The following HRNR variants were observed in gnomAD, a reference collection of about 807,000 sequenced individuals.
The protein encoded by HRNR is filaggrin family member 3.
A neutral mutation model predicts 4.8 loss-of-function variants in HRNR; 7 were observed. The observed-to-expected ratio is 1.47, with a 90% confidence interval of 0.83 to 2.75. HRNR has a LOEUF of 2.75. HRNR is among the 30% of genes most tolerant of loss of function. HRNR has a pLI of 0.00. For synonymous variants in HRNR, 1,023 were observed against 1,242.7 expected (o/e 0.82, Z 3.72); for missense variants, 2,879 against 3,010.4 (o/e 0.96, Z 1.02).
Position 152,220,805 on chromosome 1 carries a change from G to A in HRNR, c.824C>T (p.Ser275Phe). ...GQSSRGERHR[S>F]SSGSSSSYGQ... ...ATAGCTGGAAGACGAACCTGAGCTAGATCTGTGTCGTTCACCCCTAGATGA... is the reference window on the plus strand; with the variant it reads ...ATAGCTGGAAGACGAACCTGAGCTAAATCTGTGTCGTTCACCCCTAGATGA... Residue 275 changes from serine (S) to phenylalanine (F), a missense_variant, in exon 3 of 3, where the codon TCT (serine) becomes TTT (phenylalanine). By Grantham distance (155) the Ser-to-Phe change is radical (BLOSUM62 -2). Transcript: ENST00000368801. 6.2e-7 allele frequency: 1 copy of A among 1,613,974 alleles called. No individual in the cohort carries two copies. Among genetic ancestry groups the A allele is most frequent in the Non-Finnish European group, 8.5e-7 (1 of 1,179,982 alleles).
In HRNR at chr1:152,212,378, A is replaced by T. The variant is rs1391921566; in HGVS notation, c.*698T>A. 6.6e-6 allele frequency: 1 copy of T among 152,004 alleles called. No homozygotes were observed. The highest frequency in any genetic ancestry group is 1.5e-5 in the Non-Finnish European group (1 of 68,036). 9.4% of individuals were successfully genotyped at this position (152,004 alleles called of 1,614,324 possible). ...AAAACAAGCTAAAGCCCACATTTGAATGTTTTTTTTTTTCCTGAAATGATA... is the reference window on the plus strand; with the variant it reads ...AAAACAAGCTAAAGCCCACATTTGATTGTTTTTTTTTTTCCTGAAATGATA... On this transcript the variant is annotated 3_prime_UTR_variant, in exon 3 of 3. Transcript: ENST00000368801.
chr1:152,213,166 C>A lies in HRNR; in HGVS notation c.8463G>T (p.Gly2821=). The A allele has an allele frequency of 2.5e-6, 4 of 1,614,050 alleles. No individual in the cohort carries two copies. The highest frequency in any genetic ancestry group is 3.4e-6 in the Non-Finnish European group (4 of 1,180,040). The change falls in exon 3 of 3, where the codon GGG becomes GGT. Residue 2821 remains glycine (G), a synonymous_variant. Coordinates refer to ENST00000368801, the MANE Select transcript of HRNR (RefSeq NM_001009931.3). The part of the protein sequence containing the change: ...SYCKGGSNHD[G]GSSGSYFLSF... ...TGAGAAAATATGAGCCAGAACTTCCCCCATCATGGTTACTTCCTCCTTTGC... is the reference window on the plus strand; with the variant it reads ...TGAGAAAATATGAGCCAGAACTTCCACCATCATGGTTACTTCCTCCTTTGC...
rs1470169128 is a variant in HRNR, at chr1:152,218,552, G to T, written c.3077C>A (p.Pro1026Gln). 2 of 1,612,378 alleles carry T rather than the reference G, an allele frequency of 1.2e-6. No homozygotes were observed. The highest frequency in any genetic ancestry group is 8.5e-7 in the Non-Finnish European group (1 of 1,179,540). The change falls in exon 3 of 3, where the codon CCA becomes CAA. Residue 1026 changes from proline (P) to glutamine (Q), a missense_variant. By Grantham distance (76) the Pro-to-Gln change is moderately conservative (BLOSUM62 -1). Transcript: ENST00000368801. The part of the protein sequence containing the change: ...SGSGQSSSYG[P>Q]YRSGSGWSSS... ...AGACCACCCTGAGCCAGACCTATAT[G>T]GGCCATAGCTGGAAGACTGCCCGGA... is the stretch of plus-strand genomic sequence containing the variant.
Position 152,221,376 on chromosome 1 carries a change from G to T in HRNR, c.253C>A (p.Arg85Ser). 1.2e-6 allele frequency: 2 copies of T among 1,613,908 alleles called. No individual in the cohort carries two copies. The highest frequency in any genetic ancestry group is 1.1e-5 in the South Asian group (1 of 91,072). ...TAATCTTTGCCAATGATTTTATTACGAGCCTGAACCAGCTTGAATATCATC... is the reference window on the plus strand; with the variant it reads ...TAATCTTTGCCAATGATTTTATTACTAGCCTGAACCAGCTTGAATATCATC... ...LLMIFKLVQA[R>S]NKIIGKDYCQ... The change falls in exon 3 of 3, where the codon CGT becomes AGT. Residue 85 changes from arginine (R) to serine (S), a missense_variant. Physicochemically the swap from Arg to Ser is moderately radical, Grantham distance 110 (BLOSUM62 -1). Around this residue, in one of 8 missense-constraint regions of HRNR, gnomAD observed 2,646 missense variants for 1,377.7 expected, o/e 1.92. Coordinates refer to ENST00000368801, the MANE Select transcript of HRNR (RefSeq NM_001009931.3).
rs190605425 is a variant in HRNR, at chr1:152,219,169, G to T, written c.2460C>A (p.His820Gln). ...TATAGCCCTGTCCTGAGCCAGACTC[G>T]TGTTGCCCAAAACCAGAAGCCTGGC... ...GSGQASGFGQ[H>Q]ESGSGQGYSQ... is the part of the protein sequence containing the mutation. Residue 820 changes from histidine to glutamine, a missense_variant, in exon 3 of 3, where the codon CAC becomes CAA. Transcript: ENST00000368801. The T allele has an allele frequency of 6.2e-7, 1 of 1,613,200 alleles. No homozygotes were observed. Among genetic ancestry groups the T allele is most frequent in the Non-Finnish European group, 8.5e-7 (1 of 1,179,820 alleles).
At position 152,219,369 on chromosome 1, in the gene HRNR, G is replaced by A. The variant is rs752016330; in HGVS notation, c.2260C>T (p.Gln754Ter). Residue 754 changes from glutamine (Q) to a stop codon, truncating the protein, a stop_gained, in exon 3 of 3, where the codon CAG becomes TAG. Coordinates refer to ENST00000368801, the MANE Select transcript of HRNR (RefSeq NM_001009931.3). LOFTEE classifies it low-confidence loss of function (END_TRUNC). ...GATTGATGGGAGCCCGACCCATGCT[G>A]ACCATAGCTGGAAGACAAACCTGAG... ...SSSGLSSSYGQHGSGSHQSSG... is the reference protein window; with the variant it reads ...SSSGLSSSYG 1.9e-6 allele frequency: 3 copies of A among 1,613,964 alleles called. No homozygotes were observed. The Admixed American group carries it at 5.0e-5, about 27-fold the overall frequency.
Position 152,219,651 on chromosome 1 carries a change from G to A in HRNR, c.1978C>T (p.Pro660Ser). The A allele has an allele frequency of 6.2e-7, 1 of 1,613,212 alleles. No individual in the cohort carries two copies. Among genetic ancestry groups the A allele is most frequent in the Non-Finnish European group, 8.5e-7 (1 of 1,179,430 alleles). ...TCGGACCCATGTCGGCCGCGACTAG[G>A]AGACTGGCCAGATCCAGAGCCCTGT... The part of the protein sequence containing the change: ...GQQGSGSGQS[P>S]SRGRHGSDFG... The change falls in exon 3 of 3, where the codon CCT becomes TCT. Residue 660 changes from proline to serine, a missense_variant. Pro to Ser is a moderately conservative substitution (Grantham distance 74). This residue lies in a region of HRNR where 2,646 missense variants were observed against 1,377.7 expected (regional missense o/e 1.92). Transcript: ENST00000368801.
intron 1 of HRNR, 38 bp downstream of exon 1, chr1:152,224,105 C>T (rs1649089997): frequency 6.6e-6 from 1 of 152,030 alleles, no homozygotes; most frequent in Admixed American, 6.5e-5. Context: ...AATTTATAGC[C>T]CTAAGTACCC....
Position 152,219,286 on chromosome 1 carries a change from A to T in HRNR, c.2343T>A (p.His781Gln). Residue 781 changes from histidine (H) to glutamine (Q), a missense_variant, in exon 3 of 3, where the codon CAT becomes CAA. Physicochemically the swap from His to Gln is conservative, Grantham distance 24 (BLOSUM62 0). This residue lies in a region of HRNR where 2,646 missense variants were observed against 1,377.7 expected (regional missense o/e 1.92). Coordinates refer to ENST00000368801, the MANE Select transcript of HRNR (RefSeq NM_001009931.3). ...GSGHSPSRVRHGSSSGHSSSH... is the reference protein window; with the variant it reads ...GSGHSPSRVRQGSSSGHSSSH... Reference sequence around the variant, plus strand: ...TGGAGGAGTGCCCTGAACTGGACCCATGTCGGACACGGCTAGGAGAGTGGC... The same window carrying T: ...TGGAGGAGTGCCCTGAACTGGACCCTTGTCGGACACGGCTAGGAGAGTGGC... 1 of 1,612,554 alleles carries T rather than the reference A, an allele frequency of 6.2e-7. No individual in the cohort carries two copies. The highest frequency in any genetic ancestry group is 8.5e-7 in the Non-Finnish European group (1 of 1,179,760).
At position 152,218,624 on chromosome 1, in the gene HRNR, C is replaced by T. The variant is rs762808210; in HGVS notation, c.3005G>A (p.Gly1002Glu). The part of the protein sequence containing the change: ...QSLGHGQHGS[G>E]SGQSPSPSRG... ...GCTAGGGCTAGGAGACTGGCCAGAT[C>T]CAGACCCATGTTGGCCGTGGCCCAA... Residue 1002 changes from glycine (G) to glutamate (E), a missense_variant, in exon 3 of 3, where the codon GGA becomes GAA. Around this residue, in one of 8 missense-constraint regions of HRNR, gnomAD observed 2,646 missense variants for 1,377.7 expected, o/e 1.92. Coordinates refer to ENST00000368801, the MANE Select transcript of HRNR (RefSeq NM_001009931.3). The T allele has an allele frequency of 5.0e-6, 8 of 1,613,734 alleles. No individual in the cohort carries two copies. The highest frequency in any genetic ancestry group is 6.8e-6 in the Non-Finnish European group (8 of 1,179,964).
chr1:152,221,447 A>T lies in HRNR; in HGVS notation c.182T>A (p.Leu61Gln). The change falls in exon 3 of 3, where the codon CTG (leucine) becomes CAG (glutamine). Residue 61 changes from leucine to glutamine, a missense_variant. Transcript: ENST00000368801. ...CACTTTCTTGTTATGGTCTCGATCC[A>T]GACTTTGCAAGATGATATCCACAGT... is the stretch of plus-strand genomic sequence containing the variant. ...PDTVDIILQSLDRDHNKKVDF... is the reference protein window; with the variant it reads ...PDTVDIILQSQDRDHNKKVDF... The T allele has an allele frequency of 6.2e-7, 1 of 1,611,616 alleles. No individual in the cohort carries two copies. Among genetic ancestry groups the T allele is most frequent in the Non-Finnish European group, 8.5e-7 (1 of 1,178,524 alleles).
At position 152,218,947 on chromosome 1, in the gene HRNR, G is replaced by T. The variant is rs1226448879; in HGVS notation, c.2682C>A (p.Gly894=). ...ACTGCCCTGACCCAGACCCACGCTG[G>T]CCGTGGCCTGGAGACTGGCCAGATC... ...GSGSGQSPGH[G]QRGSGSGQSP... is the part of the protein sequence containing the mutation. The change falls in exon 3 of 3, where the codon GGC becomes GGA. Residue 894 remains glycine (G), a synonymous_variant. Coordinates refer to ENST00000368801, the MANE Select transcript of HRNR (RefSeq NM_001009931.3). 7.4e-6 allele frequency: 12 copies of T among 1,613,914 alleles called. No individual in the cohort carries two copies. Among genetic ancestry groups the T allele is most frequent in the Middle Eastern group, 1.6e-4 (1 of 6,062 alleles).
In HRNR at chr1:152,212,934, C is replaced by A. The variant is rs1205281888; in HGVS notation, c.*142G>T. Reference sequence around the variant, plus strand: ...ACAAGATATATGCTACAGTTTTAGGCTCTAAAGAAAGAGACAGAAATGCAT... The same window carrying A: ...ACAAGATATATGCTACAGTTTTAGGATCTAAAGAAAGAGACAGAAATGCAT... On this transcript the variant is annotated 3_prime_UTR_variant, in exon 3 of 3. Transcript: ENST00000368801. 6 of 1,149,578 alleles carry A rather than the reference C, an allele frequency of 5.2e-6. No individual in the cohort carries two copies. The highest frequency in any genetic ancestry group is 3.3e-5 in the South Asian group (2 of 60,700). The allele number at this position is 1,149,578 out of a possible 1,614,324, so 71.2% of individuals were successfully genotyped here.
In HRNR at chr1:152,221,231, C is replaced by T. The variant is rs778285054; in HGVS notation, c.398G>A (p.Ser133Asn). 4 of 1,614,160 alleles carry T rather than the reference C, an allele frequency of 2.5e-6. No individual in the cohort carries two copies. Among genetic ancestry groups the T allele is most frequent in the East Asian group, 2.2e-5 (1 of 44,888 alleles). The change falls in exon 3 of 3, where the codon AGT becomes AAT. Residue 133 changes from serine to asparagine, a missense_variant. Ser to Asn is a conservative substitution (Grantham distance 46, BLOSUM62 1). Transcript: ENST00000368801. ...GGAATAGGAATCATTCTCTCCTGCA[C>T]TCCAACTTGAATGACTAAAAGAGGA... ...QESSFSHSSW[S>N]AGENDSYSRN...
chr1:152,212,891 T>A lies in HRNR; in HGVS notation c.*185A>T. 1 of 787,380 alleles carries A rather than the reference T, an allele frequency of 1.3e-6. No homozygotes were observed. The highest frequency in any genetic ancestry group is 2.7e-5 in the East Asian group (1 of 37,034). The allele number at this position is 787,380 out of a possible 1,614,324, so 48.8% of individuals were successfully genotyped here. A position where few individuals can be genotyped will look rare whatever the true frequency, so the allele number is the denominator to read the frequency against. ...AAAGTAGCACAAATGCCTAACAGTC[T>A]TTGGAAGGAACCCCATAACAAGATA... On this transcript the variant is annotated 3_prime_UTR_variant, in exon 3 of 3. Coordinates refer to ENST00000368801, the MANE Select transcript of HRNR (RefSeq NM_001009931.3).
At position 152,219,367 on chromosome 1, in the gene HRNR, C is replaced by G. The variant is rs1476782476; in HGVS notation, c.2262G>C (p.Gln754His). The G allele has an allele frequency of 1.9e-6, 3 of 1,614,052 alleles. No homozygotes were observed. Among genetic ancestry groups the G allele is most frequent in the Non-Finnish European group, 1.7e-6 (2 of 1,180,024 alleles). ...SSSGLSSSYGQHGSGSHQSSG... is the reference protein window; with the variant it reads ...SSSGLSSSYGHHGSGSHQSSG... The stretch of plus-strand genomic sequence containing the variant: ...AAGATTGATGGGAGCCCGACCCATG[C>G]TGACCATAGCTGGAAGACAAACCTG... The change falls in exon 3 of 3, where the codon CAG (glutamine) becomes CAC (histidine). Residue 754 changes from glutamine to histidine, a missense_variant. This residue lies in a region of HRNR where 2,646 missense variants were observed against 1,377.7 expected (regional missense o/e 1.92). Transcript: ENST00000368801.
At position 152,220,851 on chromosome 1, in the gene HRNR, G is replaced by A. The variant is rs762683120; in HGVS notation, c.778C>T (p.His260Tyr). 1 of 1,613,968 alleles carries A rather than the reference G, an allele frequency of 6.2e-7. No individual in the cohort carries two copies. Residue 260 changes from histidine to tyrosine, a missense_variant, in exon 3 of 3, where the codon CAC becomes TAC. Transcript: ENST00000368801. ...GATGACTGTCCTGACCTAGAGCCGT[G>A]TTGTCCGTAGCCAGAGGAGTGACCT... ...GSGHSSGYGQ[H>Y]GSRSGQSSRG...
Position 152,212,942 on chromosome 1 carries a change from A to G in HRNR, c.*134T>C, listed in dbSNP as rs1648440309. On this transcript the variant is annotated 3_prime_UTR_variant, in exon 3 of 3. Coordinates refer to ENST00000368801, the MANE Select transcript of HRNR (RefSeq NM_001009931.3). ...TATGCTACAGTTTTAGGCTCTAAAG[A>G]AAGAGACAGAAATGCATTGATTCAC... The G allele has an allele frequency of 8.1e-7, 1 of 1,231,080 alleles. No homozygotes were observed. The highest frequency in any genetic ancestry group is 1.1e-6 in the Non-Finnish European group (1 of 898,146). 76.3% of individuals were successfully genotyped at this position (1,231,080 alleles called of 1,614,324 possible). A position where few individuals can be genotyped will look rare whatever the true frequency, so the allele number is the denominator to read the frequency against.
At position 152,219,359 on chromosome 1, in the gene HRNR, G is replaced by A. The variant is rs149564910; in HGVS notation, c.2270C>T (p.Ser757Leu). The stretch of plus-strand genomic sequence containing the variant: ...GTGGCCCGAAGATTGATGGGAGCCC[G>A]ACCCATGCTGACCATAGCTGGAAGA... The part of the protein sequence containing the change: ...GLSSSYGQHG[S>L]GSHQSSGHGR... The change falls in exon 3 of 3, where the codon TCG becomes TTG. Residue 757 changes from serine to leucine, a missense_variant. Physicochemically the swap from Ser to Leu is moderately radical, Grantham distance 145. Transcript: ENST00000368801. 3.3e-4 allele frequency: 530 copies of A among 1,613,990 alleles called. 6 individuals carry two copies. The highest frequency in any genetic ancestry group is 8.2e-4 in the Middle Eastern group (5 of 6,062).
Sources: allele counts gnomAD v4.1 joint callset, GRCh38; gene constraint gnomAD v4.1.1; regional missense constraint gnomAD v4.1.1; transcripts MANE v1.5; gene names NCBI Gene and HGNC (gene_info 2026-07-23, HGNC 2026-07-21).